Variants in NRXN3 observed in about 807,000 individuals in gnomAD.
The protein encoded by NRXN3 is neurexin 3.
Under a neutral mutation model 137.6 loss-of-function variants are expected in NRXN3, and 32 were observed. The ratio of observed to expected loss-of-function variants is 0.23; its 90% CI spans 0.18 to 0.31. The LOEUF (loss-of-function observed/expected upper bound fraction) is 0.31, where lower values mean the gene tolerates loss of function less well. Among genes scored for constraint, NRXN3 ranks in the 10% least tolerant of loss-of-function variants. The probability of loss-of-function intolerance (pLI) is 1.00; values close to 1 mark genes in which losing one functional copy is unlikely to be tolerated. For synonymous variants in NRXN3, 798 were observed against 784.5 expected (o/e 1.02, Z -0.29); for missense variants, 1,574 against 2,062.5 (o/e 0.76, Z 4.59).
intron 10 of NRXN3, among the ~76,000 whole-genome samples, chr14:78,923,036 A>T (rs900137111): frequency 6.6e-6 from 1 of 152,016 alleles, no homozygotes; most frequent in African/African-American, 2.4e-5. Flanking sequence ...TGATGTGATG[A>T]TTGCTGCCTA....
intron 15 of NRXN3, among the ~76,000 whole-genome samples, chr14:79,154,708 G>A (rs1020156267): frequency 7.2e-5 from 11 of 151,734 alleles, no homozygotes; most frequent in African/African-American, 2.4e-4. Flanking sequence ...ACTTTGTGAC[G>A]ATTCAAAGGA....
At chr14:78,743,339 GT>G (rs770702700) in intron 8 of NRXN3, among the ~76,000 whole-genome samples, 10 of 152,192 alleles carry the variant, frequency 6.6e-5, no homozygotes, top group Non-Finnish European at 1.3e-4. Context: ...TTAATGTAAA[GT>G]TTTTGAATGT....
chr14:79,343,523 G>C (rs1220064323), intron 15 of NRXN3, among the ~76,000 whole-genome samples: 1 of 152,106 alleles, frequency 6.6e-6, no homozygotes, highest in Non-Finnish European at 1.5e-5. Context: ...GTACAAAGGT[G>C]TCACCTAGAG....
At chr14:78,753,669 A>G (rs1481201229) in intron 8 of NRXN3, 1 of 152,134 alleles carries the variant, frequency 6.6e-6, no homozygotes, top group African/African-American at 2.4e-5. Context: ...GAAAGGAATT[A>G]CCTCCAGCAT....
intron 17 of NRXN3, among the ~76,000 whole-genome samples, chr14:79,674,064 C>T (rs1013422938): frequency 2.0e-5 from 3 of 151,870 alleles, no homozygotes; most frequent in Admixed American, 6.6e-5. Context: ...AGTTCAGTAG[C>T]GGGTACACAT....
rs545352938 is a variant in NRXN3, at chr14:78,539,466, T to C, written c.758-105654T>C. On this transcript the variant is annotated intron_variant, in intron 4 of 20. Coordinates refer to ENST00000335750, the MANE Select transcript of NRXN3 (RefSeq NM_001330195.2). ...CTGTGGGATCAATGGTGATATCCCC[T>C]TTTTTTTATTGCATCTATTTGATTC... Among the ~76,000 whole-genome samples, 176 of 151,366 alleles carry C rather than the reference T, an allele frequency of 1.2e-3. 1 individual carries two copies. Among genetic ancestry groups the C allele is most frequent in the African/African-American group, 3.9e-3 (160 of 41,398 alleles).
chr14:78,916,477 A>G (rs1455012194), intron 10 of NRXN3, among the ~76,000 whole-genome samples: 2 of 152,176 alleles, frequency 1.3e-5, no homozygotes, highest in Non-Finnish European at 2.9e-5. Context: ...ACAGCCAGCT[A>G]TGGGAAGCTC....
chr14:78,577,775 A>C (rs1262653523), intron 4 of NRXN3, among the ~76,000 whole-genome samples: 1 of 152,218 alleles, frequency 6.6e-6, no homozygotes, highest in Non-Finnish European at 1.5e-5. Context: ...ACTGAGGGTC[A>C]CAGAAGTTAA....
intron 16 of NRXN3, among the ~76,000 whole-genome samples, chr14:79,552,810 A>G (rs1384198509): frequency 2.6e-5 from 4 of 152,070 alleles, no homozygotes; most frequent in African/African-American, 9.7e-5. Context: ...TATACAGATA[A>G]AGTCTCTAAG....
chr14:78,461,121 A>T (rs1217117199), intron 4 of NRXN3, among the ~76,000 whole-genome samples: 1 of 152,204 alleles, frequency 6.6e-6, no homozygotes, highest in East Asian at 1.9e-4. Flanking sequence ...ATGTTTTCAA[A>T]TGTTCTAATA....
chr14:79,663,247 C>CGTGT (rs145244363), intron 16 of NRXN3, among the ~76,000 whole-genome samples: 2,130 of 149,552 alleles, frequency 0.014, 50 homozygotes, highest in African/African-American at 0.048. Context: ...TGTGTGTACG[C>CGTGT]GTGTGTGTGT....
chr14:79,336,175 C>A (rs1285604043), intron 15 of NRXN3, among the ~76,000 whole-genome samples: 2 of 152,094 alleles, frequency 1.3e-5, no homozygotes, highest in African/African-American at 4.8e-5. Context: ...GTAACAGGGA[C>A]TAATTAATAG....
chr14:79,130,243 T>C (rs1162104157), intron 15 of NRXN3, among the ~76,000 whole-genome samples: 19 of 151,538 alleles, frequency 1.3e-4, no homozygotes, highest in Middle Eastern at 3.4e-3. Context: ...CGTTATTTTG[T>C]TCATTAGTTG....
chr14:78,884,417 C>T (rs1022000943), intron 10 of NRXN3, among the ~76,000 whole-genome samples: 3 of 152,062 alleles, frequency 2.0e-5, no homozygotes, highest in Non-Finnish European at 4.4e-5. Context: ...CACTCCTGCC[C>T]ACATCAGTTT....
intron 15 of NRXN3, among the ~76,000 whole-genome samples, chr14:79,274,946 T>C (rs1160256768): frequency 1.3e-5 from 2 of 152,254 alleles, no homozygotes; most frequent in Non-Finnish European, 2.9e-5. Context: ...GATGCCATTG[T>C]CTTTTTTTAA....
rs142166868 is a variant in NRXN3, at chr14:79,807,608, C to T, written c.4093+2418C>T. ...GCAGAGGACAGAAATTCAACACCAACATTTCTTGAATAACATGGGGTGGGT... is the reference window on the plus strand; with the variant it reads ...GCAGAGGACAGAAATTCAACACCAATATTTCTTGAATAACATGGGGTGGGT... On this transcript the variant is annotated intron_variant, in intron 20 of 20. Coordinates refer to ENST00000335750, the MANE Select transcript of NRXN3 (RefSeq NM_001330195.2). Among the ~76,000 whole-genome samples the T allele has an allele frequency of 1.1e-3, 164 of 152,270 alleles. 2 individuals carry two copies. The highest frequency in any genetic ancestry group is 1.7e-3 in the African/African-American group (71 of 41,564).
intron 19 of NRXN3, among the ~76,000 whole-genome samples, chr14:79,699,328 T>C (rs916108627): frequency 2.0e-5 from 3 of 152,020 alleles, no homozygotes; most frequent in African/African-American, 4.8e-5. Context: ...CTGTTTATTG[T>C]TGGTGAAAGG....
chr14:78,787,286 A>G (rs1024257202), intron 8 of NRXN3, among the ~76,000 whole-genome samples: 3 of 152,162 alleles, frequency 2.0e-5, no homozygotes, highest in Non-Finnish European at 4.4e-5. Context: ...CTGGCCTCAG[A>G]TAATATGGAA....
chr14:78,832,355 T>C (rs2098984863), intron 10 of NRXN3, among the ~76,000 whole-genome samples: 1 of 152,198 alleles, frequency 6.6e-6, no homozygotes, highest in African/African-American at 2.4e-5. Context: ...GCTGGATGTT[T>C]TACTTTATAA....
Sources: allele counts gnomAD v4.1 joint callset (sites outside exome capture counted in the v4.1 genomes callset), GRCh38; gene constraint gnomAD v4.1.1; transcripts MANE v1.5; gene names NCBI Gene and HGNC (gene_info 2026-07-23, HGNC 2026-07-21).